SPOCK1: variants seen among roughly 807,000 people sequenced by gnomAD.
The protein encoded by SPOCK1 is testican-1.
SPOCK1 carries 23 observed loss-of-function variants against 55.3 expected under a neutral mutation model. The ratio of observed to expected loss-of-function variants is 0.42; its 90% CI spans 0.30 to 0.59. SPOCK1 has a LOEUF of 0.59. SPOCK1 is among the 20% of genes least tolerant of loss of function. The probability of loss-of-function intolerance (pLI) is 0.22; values close to 1 mark genes in which losing one functional copy is unlikely to be tolerated. For synonymous variants in SPOCK1, 226 were observed against 221.0 expected, an observed-to-expected ratio of 1.02 and a Z score of -0.20; for missense variants, 499 against 552.5, an observed-to-expected ratio of 0.90 and a Z score of 0.97.
At chr5:137,059,224 T>C (rs1478698279) in intron 6 of SPOCK1, among the ~76,000 whole-genome samples, 1 of 109,834 alleles carries the variant, frequency 9.1e-6, no homozygotes, top group East Asian at 2.6e-4. Flanking sequence ...AAGTCTGGAG[T>C]TCAAGGAAGC....
intron 3 of SPOCK1, among the ~76,000 whole-genome samples, chr5:137,160,257 A>G (rs1436961890): frequency 6.7e-6 from 1 of 148,158 alleles, no homozygotes; most frequent in Non-Finnish European, 1.5e-5. Flanking sequence ...ACAGTCTCCA[A>G]TCTCATCCAG....
At chr5:137,091,305 T>G (rs1753051745) in intron 5 of SPOCK1, among the ~76,000 whole-genome samples, 1 of 152,138 alleles carries the variant, frequency 6.6e-6, no homozygotes, top group Non-Finnish European at 1.5e-5. Context: ...GAATATAAAG[T>G]AAAGGCTCTA....
At chr5:137,161,254 C>T (rs1754552827) in intron 3 of SPOCK1, among the ~76,000 whole-genome samples, 1 of 151,438 alleles carries the variant, frequency 6.6e-6, no homozygotes, top group Non-Finnish European at 1.5e-5. Context: ...CAAGAAAATA[C>T]AGACTTCTTA....
chr5:137,205,540 G>A (rs1334219129), intron 3 of SPOCK1, among the ~76,000 whole-genome samples: 1 of 152,224 alleles, frequency 6.6e-6, no homozygotes, highest in African/African-American at 2.4e-5. Context: ...TCGGGTGGCA[G>A]GAAAGGAGAC....
intron 9 of SPOCK1, among the ~76,000 whole-genome samples, chr5:136,981,277 GCCTTTTTA>G (rs1458967903): frequency 1.3e-5 from 2 of 152,144 alleles, no homozygotes; most frequent in African/African-American, 4.8e-5. Context: ...CACTATTTGA[GCCTTTTTA>G]CTTCTTCATA....
intron 2 of SPOCK1, among the ~76,000 whole-genome samples, chr5:137,449,912 A>AAAAAAAAAAAAAAAAAAAAAAAAG: frequency 7.0e-6 from 1 of 142,008 alleles, no homozygotes; most frequent in Non-Finnish European, 1.5e-5. Flanking sequence ...AAAAAAAAAA[A>AAAAAAAAAAAAAAAAAAAAAAAAG]AAAAAGAAAG....
intron 2 of SPOCK1, among the ~76,000 whole-genome samples, chr5:137,277,264 C>T (rs778290273): frequency 2.6e-5 from 4 of 152,190 alleles, no homozygotes; most frequent in Non-Finnish European, 5.9e-5. Flanking sequence ...ATCCTCCTGC[C>T]TCAGCCTCCT....
intron 3 of SPOCK1, among the ~76,000 whole-genome samples, chr5:137,178,148 C>A (rs1414414267): frequency 6.6e-6 from 1 of 152,196 alleles, no homozygotes; most frequent in Non-Finnish European, 1.5e-5. Flanking sequence ...CCCAGATCAT[C>A]CTGTTGCTTC....
intron 2 of SPOCK1, among the ~76,000 whole-genome samples, chr5:137,412,024 G>A (rs899709757): frequency 6.6e-6 from 1 of 152,198 alleles, no homozygotes; most frequent in East Asian, 1.9e-4. Context: ...CTCTGATGCA[G>A]AGCCCTCGGA....
At chr5:137,180,595 G>A (rs931818264) in intron 3 of SPOCK1, among the ~76,000 whole-genome samples, 4 of 152,138 alleles carry the variant, frequency 2.6e-5, no homozygotes, top group African/African-American at 4.8e-5. Context: ...CCTGTACCAG[G>A]GGGTCGTTTG....
chr5:137,397,316 A>G (rs2127182217), intron 2 of SPOCK1, among the ~76,000 whole-genome samples: 1 of 152,330 alleles, frequency 6.6e-6, no homozygotes, highest in African/African-American at 2.4e-5. Context: ...GTATGTGTGG[A>G]TGCCAGTGGT....
chr5:137,041,757 A>G (rs1752002796), intron 6 of SPOCK1, among the ~76,000 whole-genome samples: 1 of 152,194 alleles, frequency 6.6e-6, no homozygotes, highest in Non-Finnish European at 1.5e-5. Context: ...ATACCATATC[A>G]CCATGTACCT....
intron 2 of SPOCK1, among the ~76,000 whole-genome samples, chr5:137,386,801 G>A (rs546747913): frequency 1.3e-3 from 202 of 152,126 alleles, no homozygotes; most frequent in Middle Eastern, 3.4e-3. Context: ...AGAAAGAATC[G>A]ATAAGCTGGA....
intron 5 of SPOCK1, among the ~76,000 whole-genome samples, chr5:137,098,662 G>A (rs1753201270): frequency 6.6e-6 from 1 of 152,176 alleles, no homozygotes; most frequent in South Asian, 2.1e-4. Context: ...TCACCTACAT[G>A]GCTGAAAGCT....
intron 10 of SPOCK1, among the ~76,000 whole-genome samples, chr5:136,979,078 T>A (rs564430305): frequency 6.6e-6 from 1 of 152,288 alleles, no homozygotes; most frequent in South Asian, 2.1e-4. Context: ...CAACCCTAAA[T>A]GAGAAGTGAA....
chr5:137,277,701 G>A (rs761742937), intron 2 of SPOCK1, among the ~76,000 whole-genome samples: 2 of 152,284 alleles, frequency 1.3e-5, no homozygotes, highest in Admixed American at 6.5e-5. Flanking sequence ...TGCTTCACAA[G>A]GTCTCTAAGT....
intron 2 of SPOCK1, among the ~76,000 whole-genome samples, chr5:137,286,107 A>C (rs969040042): frequency 2.6e-5 from 4 of 152,086 alleles, no homozygotes; most frequent in African/African-American, 9.7e-5. Flanking sequence ...TGTTTTTACC[A>C]TTTTAAAGAT....
At chr5:137,266,539 T>A (rs1276733698) in intron 3 of SPOCK1, among the ~76,000 whole-genome samples, 1 of 152,214 alleles carries the variant, frequency 6.6e-6, no homozygotes, top group African/African-American at 2.4e-5. Flanking sequence ...AACAGGCTTC[T>A]ATTTAGAAAC....
At chr5:137,125,490 G>A (rs79075863) in intron 4 of SPOCK1, among the ~76,000 whole-genome samples, 2 of 152,192 alleles carry the variant, frequency 1.3e-5, no homozygotes, top group African/African-American at 2.4e-5. Context: ...GGGGTAATTA[G>A]GTCATTAACT....
Sources: allele counts gnomAD v4.1 joint callset (sites outside exome capture counted in the v4.1 genomes callset), GRCh38; gene constraint gnomAD v4.1.1; transcripts MANE v1.5; gene names NCBI Gene and HGNC (gene_info 2026-07-23, HGNC 2026-07-21).